KCNS1: variants seen among roughly 807,000 people sequenced by gnomAD.
KCNS1 encodes delayed-rectifier potassium channel regulatory subunit KCNS1.
Under a neutral mutation model 33.1 loss-of-function variants are expected in KCNS1, and 26 were observed. The ratio of observed to expected loss-of-function variants is 0.79; its 90% CI spans 0.58 to 1.09. The LOEUF (loss-of-function observed/expected upper bound fraction) is 1.09, where lower values mean the gene tolerates loss of function less well. Among genes scored for constraint, KCNS1 ranks in the 50% least tolerant of loss-of-function variants. KCNS1 has a pLI of 0.00. For synonymous variants in KCNS1, 299 were observed against 338.8 expected, an observed-to-expected ratio of 0.88 and a Z score of 1.29; for missense variants, 702 against 752.4, an observed-to-expected ratio of 0.93 and a Z score of 0.78.
In KCNS1 at chr20:45,094,908, G is replaced by A; in HGVS notation, c.1543C>T (p.Gln515Ter). 1 of 1,613,652 alleles carries A rather than the reference G, an allele frequency of 6.2e-7. No homozygotes were observed. Among genetic ancestry groups the A allele is most frequent in the Non-Finnish European group, 8.5e-7 (1 of 1,179,812 alleles). The change falls in exon 4 of 4, where the codon CAG (glutamine) becomes TAG (stop). Residue 515 changes from glutamine to a stop codon, truncating the protein, a stop_gained. Coordinates refer to ENST00000537075, the MANE Select transcript of KCNS1 (RefSeq NM_001322799.2). LOFTEE classifies it high-confidence loss of function. ...GGGTGTGGAGGCTCACTGGGGGCCT[G>A]GCTCTCTAGATCTGCAGACTGTCCC... ...QEGQSADLES[Q>*]APSEPPHPQM... is the part of the protein sequence containing the mutation.
rs16989703 is a variant in KCNS1 at position 45,091,274 on chromosome 20, T to C, written c.*3596A>G. 7.2e-3 allele frequency among the ~76,000 whole-genome samples: 1,103 copies of C among 152,288 alleles called. 32 individuals carry two copies. In the East Asian group the frequency reaches 0.098, roughly 13 times the overall value. ...GTACCTTTCCTCCAACTGCCGCAAA[T>C]ACTAATACGGTACCTTGCCCTCCAT... On this transcript the variant is annotated 3_prime_UTR_variant, in exon 4 of 4. Coordinates refer to ENST00000537075, the MANE Select transcript of KCNS1 (RefSeq NM_001322799.2).
chr20:45,098,655 G>C lies in KCNS1; in HGVS notation c.117C>G (p.Pro39=), dbSNP rs201526054. Residue 39 remains proline, a synonymous_variant, in exon 3 of 4, where the codon CCC becomes CCG. Transcript: ENST00000537075. The surrounding 1 kb of genome is among the most constrained non-coding windows in gnomAD (Gnocchi z 5.2). ...TETFVSEFPG[P]DTGIRWRRSD... ...TTCGCCGCCAGCGGATCCCGGTGTCGGGGCCCGGGAACTCGCTCACAAAGG... is the reference window on the plus strand; with the variant it reads ...TTCGCCGCCAGCGGATCCCGGTGTCCGGGCCCGGGAACTCGCTCACAAAGG... The C allele has an allele frequency of 1.4e-6, 2 of 1,467,008 alleles. No individual in the cohort carries two copies. The highest frequency in any genetic ancestry group is 9.0e-7 in the Non-Finnish European group (1 of 1,111,080). The allele number at this position is 1,467,008 out of a possible 1,614,324, so 90.9% of individuals were successfully genotyped here. A position where few individuals can be genotyped will look rare whatever the true frequency, so the allele number is the denominator to read the frequency against.
rs370783761 is a variant in KCNS1 at position 45,097,968 on chromosome 20, G to A, written c.804C>T (p.Asp268=). The A allele has an allele frequency of 6.6e-5, 102 of 1,554,986 alleles. No individual in the cohort carries two copies. Among genetic ancestry groups the A allele is most frequent in the Non-Finnish European group, 8.6e-5 (99 of 1,151,010 alleles). The change falls in exon 3 of 4, where the codon GAC becomes GAT. Residue 268 remains aspartate (D), a synonymous_variant. Coordinates refer to ENST00000537075, the MANE Select transcript of KCNS1 (RefSeq NM_001322799.2). ...AAGRSPEGVR[D]DPVLRRLEYF... is the part of the protein sequence containing the mutation. Reference sequence around the variant, plus strand: ...ACTCGAGGCGTCGCAGCACCGGGTCGTCGCGCACGCCTTCCGGGCTGCGGC... The same window carrying A: ...ACTCGAGGCGTCGCAGCACCGGGTCATCGCGCACGCCTTCCGGGCTGCGGC...
rs1981141872 is a variant in KCNS1 at position 45,095,147 on chromosome 20, T to C, written c.1304A>G (p.Lys435Arg). The C allele has an allele frequency of 6.2e-7, 1 of 1,614,074 alleles. No individual in the cohort carries two copies. The highest frequency in any genetic ancestry group is 1.3e-5 in the African/African-American group (1 of 75,016). Residue 435 changes from lysine to arginine, a missense_variant, in exon 4 of 4, where the codon AAG becomes AGG. Around this residue, in one of 3 missense-constraint regions of KCNS1, gnomAD observed 253 missense variants for 327.4 expected, o/e 0.77. Coordinates refer to ENST00000537075, the MANE Select transcript of KCNS1 (RefSeq NM_001322799.2). Reference sequence around the variant, plus strand: ...TAGGATGCAGCCTGAGGCTGCCAGCTTGCCAGCCACCGTCACTGGCACCAC... The same window carrying C: ...TAGGATGCAGCCTGAGGCTGCCAGCCTGCCAGCCACCGTCACTGGCACCAC... The part of the protein sequence containing the change: ...GDVVPVTVAG[K>R]LAASGCILGG...
chr20:45,096,430 C>T (rs1981187405), intron 3 of KCNS1, among the ~76,000 whole-genome samples: 1 of 152,168 alleles, frequency 6.6e-6, no homozygotes, highest in Non-Finnish European at 1.5e-5. Context: ...AGATGCTGAG[C>T]TCAGGGGGTC....
intron 3 of KCNS1, among the ~76,000 whole-genome samples, chr20:45,096,635 C>T (rs1883277573): frequency 6.6e-6 from 1 of 152,116 alleles, no homozygotes; most frequent in Admixed American, 6.5e-5. Context: ...GGTGCTGGAG[C>T]CAGGCACAGG....
At position 45,097,839 on chromosome 20, in the gene KCNS1, C is replaced by G; in HGVS notation, c.933G>C (p.Val311=). 1 of 1,613,710 alleles carries G rather than the reference C, an allele frequency of 6.2e-7. No homozygotes were observed. Among genetic ancestry groups the G allele is most frequent in the Non-Finnish European group, 8.5e-7 (1 of 1,179,960 alleles). Residue 311 remains valine, a synonymous_variant, in exon 3 of 4, where the codon GTG becomes GTC. Transcript: ENST00000537075. The stretch of plus-strand genomic sequence containing the variant: ...GCGTGAGATAGAAGGGCAGCACAGA[C>G]ACAATGTCGATGAGGTTGAGCGGGT... ...FCHPLNLIDI[V]SVLPFYLTLL...
Position 45,098,039 on chromosome 20 carries a change from AC to A in KCNS1, c.732del (p.Glu244AspfsTer174), listed in dbSNP as rs1362262146. ...GCGGCCGCCGCCTCGCGGGCCTGGT[AC>A]TCGGGCAGGCTGTGGATGCACATGG... Reference protein sequence around the residue: ...IAAMCIHSLPEYQAREAAAAV... With the variant: ...IAAMCIHSLPXYQAREAAAAV... On this transcript the variant is annotated frameshift_variant, in exon 3 of 4. Coordinates refer to ENST00000537075, the MANE Select transcript of KCNS1 (RefSeq NM_001322799.2). LOFTEE classifies it high-confidence loss of function. This position sits in a 1 kb window ranked among gnomAD's most constrained non-coding sequence, Gnocchi z 5.2. 2.6e-6 allele frequency: 4 copies of A among 1,528,028 alleles called. No individual in the cohort carries two copies. Among genetic ancestry groups the A allele is most frequent in the Non-Finnish European group, 3.5e-6 (4 of 1,138,684 alleles). The allele number at this position is 1,528,028 out of a possible 1,614,324, so 94.7% of individuals were successfully genotyped here.
intron 3 of KCNS1, among the ~76,000 whole-genome samples, chr20:45,096,011 A>G (rs2145512263): frequency 6.6e-6 from 1 of 152,278 alleles, no homozygotes; most frequent in East Asian, 1.9e-4. Flanking sequence ...ACTGCTAAAC[A>G]TCCTAAAATG....
rs576896465 is a variant in KCNS1 at position 45,094,990 on chromosome 20, G to A, written c.1461C>T (p.Ser487=). The A allele has an allele frequency of 1.1e-5, 18 of 1,613,656 alleles. No homozygotes were observed. Among genetic ancestry groups the A allele is most frequent in the Admixed American group, 5.0e-5 (3 of 59,984 alleles). ...ATGCCTCCGACACCCCATCAATGCT[G>A]CTCAGCAAGTCCTCAAACTCTTGGT... is the stretch of plus-strand genomic sequence containing the variant. ...SNHQEFEDLL[S]SIDGVSEASL... is the part of the protein sequence containing the mutation. Residue 487 remains serine (S), a synonymous_variant, in exon 4 of 4, where the codon AGC becomes AGT. Coordinates refer to ENST00000537075, the MANE Select transcript of KCNS1 (RefSeq NM_001322799.2).
rs535916217 is a variant in KCNS1 at position 45,094,004 on chromosome 20, A to T, written c.*866T>A. 4.6e-5 allele frequency: 7 copies of T among 152,418 alleles called. No homozygotes were observed. Among genetic ancestry groups the T allele is most frequent in the African/African-American group, 1.7e-4 (7 of 41,564 alleles). The allele number at this position is 152,418 out of a possible 1,614,324, so 9.4% of individuals were successfully genotyped here. A position where few individuals can be genotyped will look rare whatever the true frequency, so the allele number is the denominator to read the frequency against. Reference sequence around the variant, plus strand: ...TGGACTTGGGGGCAGGGATTGGACCACTTTACACAGCAGGTCTTGGCGCAG... The same window carrying T: ...TGGACTTGGGGGCAGGGATTGGACCTCTTTACACAGCAGGTCTTGGCGCAG... On this transcript the variant is annotated 3_prime_UTR_variant, in exon 4 of 4. Coordinates refer to ENST00000537075, the MANE Select transcript of KCNS1 (RefSeq NM_001322799.2).
At position 45,091,312 on chromosome 20, in the gene KCNS1, A is replaced by G. The variant is rs1490355197; in HGVS notation, c.*3558T>C. Among the ~76,000 whole-genome samples the G allele has an allele frequency of 6.6e-6, 1 of 152,136 alleles. No homozygotes were observed. The highest frequency in any genetic ancestry group is 2.4e-5 in the African/African-American group (1 of 41,440). On this transcript the variant is annotated 3_prime_UTR_variant, in exon 4 of 4. Coordinates refer to ENST00000537075, the MANE Select transcript of KCNS1 (RefSeq NM_001322799.2). Reference sequence around the variant, plus strand: ...CCTTGCCCTCCATCCCTCCCAAGAGAGAGGCATATGACTCAAGTGAAATCA... The same window carrying G: ...CCTTGCCCTCCATCCCTCCCAAGAGGGAGGCATATGACTCAAGTGAAATCA...
intron 3 of KCNS1, among the ~76,000 whole-genome samples, chr20:45,096,692 G>C (rs1981195731): frequency 6.6e-6 from 1 of 152,182 alleles, no homozygotes; most frequent in Non-Finnish European, 1.5e-5. Context: ...CCTCCAACAA[G>C]CACTGTCACC....
In KCNS1 at chr20:45,098,647, C is replaced by T; in HGVS notation, c.125G>A (p.Gly42Glu). 1 of 1,473,310 alleles carries T rather than the reference C, an allele frequency of 6.8e-7. No individual in the cohort carries two copies. The highest frequency in any genetic ancestry group is 9.0e-7 in the Non-Finnish European group (1 of 1,113,798). 91.3% of individuals were successfully genotyped at this position (1,473,310 alleles called of 1,614,324 possible). A position where few individuals can be genotyped will look rare whatever the true frequency, so the allele number is the denominator to read the frequency against. ...FVSEFPGPDT[G>E]IRWRRSDEAL... The stretch of plus-strand genomic sequence containing the variant: ...CTCGTCGCTTCGCCGCCAGCGGATC[C>T]CGGTGTCGGGGCCCGGGAACTCGCT... The change falls in exon 3 of 4, where the codon GGG (glycine) becomes GAG (glutamate). Residue 42 changes from glycine (G) to glutamate (E), a missense_variant. Coordinates refer to ENST00000537075, the MANE Select transcript of KCNS1 (RefSeq NM_001322799.2). The surrounding 1 kb of genome is among the most constrained non-coding windows in gnomAD (Gnocchi z 5.2).
rs557819979 is a variant in KCNS1 at position 45,094,968 on chromosome 20, C to T, written c.1483G>A (p.Ala495Thr). 1 of 1,613,854 alleles carries T rather than the reference C, an allele frequency of 6.2e-7. No homozygotes were observed. The highest frequency in any genetic ancestry group is 1.3e-5 in the African/African-American group (1 of 74,962). The part of the protein sequence containing the change: ...LLSSIDGVSE[A>T]SLETSRETSQ... ...GTTTCTCGGGATGTCTCCAGAGATG[C>T]CTCCGACACCCCATCAATGCTGCTC... Residue 495 changes from alanine (A) to threonine (T), a missense_variant, in exon 4 of 4, where the codon GCA becomes ACA. Around this residue, in one of 3 missense-constraint regions of KCNS1, gnomAD observed 75 missense variants for 72.7 expected, o/e 1.03. Coordinates refer to ENST00000537075, the MANE Select transcript of KCNS1 (RefSeq NM_001322799.2).
Position 45,094,767 on chromosome 20 carries a change from A to T in KCNS1, c.*103T>A. The stretch of plus-strand genomic sequence containing the variant: ...ATGCAGCTTTTGAATCTCATTTCTC[A>T]GGACAGCATGAGTGATCCTGGGAGG... On this transcript the variant is annotated 3_prime_UTR_variant, in exon 4 of 4. Transcript: ENST00000537075. 1 of 929,664 alleles carries T rather than the reference A, an allele frequency of 1.1e-6. No homozygotes were observed. Among genetic ancestry groups the T allele is most frequent in the Non-Finnish European group, 1.7e-6 (1 of 599,318 alleles). The allele number at this position is 929,664 out of a possible 1,614,324, so 57.6% of individuals were successfully genotyped here. A position where few individuals can be genotyped will look rare whatever the true frequency, so the allele number is the denominator to read the frequency against.
rs1981132732 is a variant in KCNS1 at position 45,095,016 on chromosome 20, G to A, written c.1435C>T (p.His479Tyr). ...CTCAGCAAGTCCTCAAACTCTTGGTGGTTGCTGTTGCGCACGGCTGCCTCC... is the reference window on the plus strand; with the variant it reads ...CTCAGCAAGTCCTCAAACTCTTGGTAGTTGCTGTTGCGCACGGCTGCCTCC... ...ALEAAVRNSN[H>Y]QEFEDLLSSI... Residue 479 changes from histidine to tyrosine, a missense_variant, in exon 4 of 4, where the codon CAC becomes TAC. Physicochemically the swap from His to Tyr is moderately conservative, Grantham distance 83. Transcript: ENST00000537075. 2 of 1,613,678 alleles carry A rather than the reference G, an allele frequency of 1.2e-6. No individual in the cohort carries two copies. The highest frequency in any genetic ancestry group is 1.7e-6 in the Non-Finnish European group (2 of 1,179,972).
In KCNS1 at chr20:45,098,508, C is replaced by CGCCTGCTCCTCCGACGCCGCG; in HGVS notation, c.243_263dup (p.Ala82_Ala88dup). 1 of 1,529,190 alleles carries CGCCTGCTCCTCCGACGCCGCG rather than the reference C, an allele frequency of 6.5e-7. No individual in the cohort carries two copies. Among genetic ancestry groups the CGCCTGCTCCTCCGACGCCGCG allele is most frequent in the Non-Finnish European group, 8.8e-7 (1 of 1,138,332 alleles). 94.7% of individuals were successfully genotyped at this position (1,529,190 alleles called of 1,614,324 possible). A position where few individuals can be genotyped will look rare whatever the true frequency, so the allele number is the denominator to read the frequency against. On this transcript the variant is annotated inframe_insertion, in exon 3 of 4. Coordinates refer to ENST00000537075, the MANE Select transcript of KCNS1 (RefSeq NM_001322799.2). This position sits in a 1 kb window ranked among gnomAD's most constrained non-coding sequence, Gnocchi z 5.2. ...CGTCGTAGTCGTCGCACAGGCGCCG[C>CGCCTGCTCCTCCGACGCCGCG]GCCTGCTCCTCCGACGCCGCGGCCT...
rs761292608 is a variant in KCNS1 at position 45,095,298 on chromosome 20, C to A, written c.1153G>T (p.Val385Leu). Residue 385 changes from valine to leucine, a missense_variant, in exon 4 of 4, where the codon GTG becomes TTG. Coordinates refer to ENST00000537075, the MANE Select transcript of KCNS1 (RefSeq NM_001322799.2). Reference sequence around the variant, plus strand: ...ACACCAGAGAACACTGACACACCCACAGCCAGGTACAGCAGCAAGATGCCC... The same window carrying A: ...ACACCAGAGAACACTGACACACCCAAAGCCAGGTACAGCAGCAAGATGCCC... ...EVGILLLYLAVGVSVFSGVAY... is the reference protein window; with the variant it reads ...EVGILLLYLALGVSVFSGVAY... 6.2e-7 allele frequency: 1 copy of A among 1,613,902 alleles called. No homozygotes were observed. Among genetic ancestry groups the A allele is most frequent in the Non-Finnish European group, 8.5e-7 (1 of 1,179,952 alleles).
Sources: gnomAD v4.1 joint callset for allele counts (sites outside exome capture counted in the v4.1 genomes callset) on GRCh38, gnomAD v4.1.1 for gene constraint, gnomAD v4.1.1 regional missense constraint, Gnocchi (gnomAD v3.1) non-coding constraint, MANE v1.5 for transcripts, NCBI Gene and HGNC (gene_info 2026-07-23, HGNC 2026-07-21) for gene names.